TCF25: variants seen among roughly 807,000 people sequenced by gnomAD.
The protein encoded by TCF25 is ribosome quality control complex subunit TCF25.
TCF25 carries 41 observed loss-of-function variants against 83.1 expected under a neutral mutation model. The ratio of observed to expected loss-of-function variants is 0.49; its 90% CI spans 0.38 to 0.64. TCF25 has a LOEUF of 0.64. Ranked by LOEUF, TCF25 falls within the 30% of genes least tolerant of loss-of-function variation. The pLI is 0.00. For missense variants in TCF25, 979 were observed against 914.5 expected, an observed-to-expected ratio of 1.07 and a Z score of -0.91; for synonymous variants, 458 against 365.0, an observed-to-expected ratio of 1.25 and a Z score of -2.90.
chr16:89,910,295 T>C (rs991997643), intron 16 of TCF25: 5 of 495,172 alleles, frequency 1.0e-5, no homozygotes, highest in Non-Finnish European at 1.8e-5. Context: ...GCAAGGCACC[T>C]GTGCAGTGGC....
chr16:89,879,347 G>A (rs1452033386), intron 1 of TCF25, among the ~76,000 whole-genome samples: 1 of 145,064 alleles, frequency 6.9e-6, no homozygotes, highest in Non-Finnish European at 1.5e-5. Context: ...ACGGGCTCCT[G>A]GGCCTGTCAC....
At chr16:89,895,571 G>A (rs1219269187) in intron 8 of TCF25, among the ~76,000 whole-genome samples, 3 of 152,202 alleles carry the variant, frequency 2.0e-5, no homozygotes, top group African/African-American at 4.8e-5. Flanking sequence ...TCAGAACGTC[G>A]TTCGTTTTTA....
chr16:89,877,318 C>G (rs2042276172), intron 1 of TCF25, among the ~76,000 whole-genome samples: 1 of 152,038 alleles, frequency 6.6e-6, no homozygotes. Context: ...ATCCTCCCAC[C>G]TCAGCCTCCC....
At position 89,911,188 on chromosome 16, in the gene TCF25, C is replaced by T; in HGVS notation, c.1981C>T (p.Leu661=). ...GATGGCCAACTTCCACCTCAACGACCTGGAGGCGCCGCACGAGGACGACGC... is the reference window on the plus strand; with the variant it reads ...GATGGCCAACTTCCACCTCAACGACTTGGAGGCGCCGCACGAGGACGACGC... The part of the protein sequence containing the change: ...DMMANFHLND[L]EAPHEDDAEG... Residue 661 remains leucine (L), a synonymous_variant, in exon 18 of 18, where the codon CTG becomes TTG. Coordinates refer to ENST00000263346, the MANE Select transcript of TCF25 (RefSeq NM_014972.3). 1 of 1,612,510 alleles carries T rather than the reference C, an allele frequency of 6.2e-7. No individual in the cohort carries two copies. The highest frequency in any genetic ancestry group is 1.1e-5 in the South Asian group (1 of 91,078).
At chr16:89,900,584 T>G in intron 11 of TCF25, 51 bp from the exon 12 acceptor site, 1 of 1,518,472 alleles carries the variant, frequency 6.6e-7, no homozygotes, top group African/African-American at 1.4e-5. Context: ...AACTCACATA[T>G]TTTGTCTTTA....
chr16:89,903,625 G>T (rs535703749), intron 12 of TCF25, among the ~76,000 whole-genome samples: 1 of 152,200 alleles, frequency 6.6e-6, no homozygotes, highest in Non-Finnish European at 1.5e-5. Flanking sequence ...GGCCAGCATG[G>T]TGAAACCCTG....
chr16:89,878,619 A>T (rs574157467), intron 1 of TCF25: 1 of 1,137,988 alleles, frequency 8.8e-7, no homozygotes, highest in African/African-American at 1.7e-5. Flanking sequence ...TGAAAATCAC[A>T]GCTTTTGGGT....
At chr16:89,875,431 C>G (rs528477678) in intron 1 of TCF25, among the ~76,000 whole-genome samples, 8 of 150,824 alleles carry the variant, frequency 5.3e-5, no homozygotes, top group African/African-American at 2.0e-4. Flanking sequence ...TTTCTGCGTG[C>G]TGAAAGATAC....
At chr16:89,908,900 C>A in intron 16 of TCF25, 1 of 1,281,560 alleles carries the variant, frequency 7.8e-7, no homozygotes, top group Non-Finnish European at 1.0e-6. Context: ...CAGGGACTGG[C>A]TGCCTCTTTC....
intron 14 of TCF25, among the ~76,000 whole-genome samples, chr16:89,905,411 T>C (rs1342053592): frequency 6.6e-6 from 1 of 152,142 alleles, no homozygotes; most frequent in Admixed American, 6.5e-5. Flanking sequence ...CACAGCAGCA[T>C]CTTGGGAGTA....
Position 89,904,934 on chromosome 16 carries a change from C to G in TCF25, c.1470-4C>G, listed in dbSNP as rs1434668745. On this transcript the variant is annotated splice_polypyrimidine_tract_variant and splice_region_variant and intron_variant, in intron 13 of 17. Coordinates refer to ENST00000263346, the MANE Select transcript of TCF25 (RefSeq NM_014972.3). ...TTCTGCTCAGAGCCCTTGCTCTCCCCCAGCCAGCCCCCTGCCCTGAGCCAG... is the reference window on the plus strand; with the variant it reads ...TTCTGCTCAGAGCCCTTGCTCTCCCGCAGCCAGCCCCCTGCCCTGAGCCAG... The G allele has an allele frequency of 6.2e-7, 1 of 1,602,986 alleles. No homozygotes were observed. Among genetic ancestry groups the G allele is most frequent in the African/African-American group, 1.3e-5 (1 of 74,764 alleles).
At chr16:89,899,554 C>T (rs2044152883) in intron 11 of TCF25, among the ~76,000 whole-genome samples, 1 of 152,064 alleles carries the variant, frequency 6.6e-6, no homozygotes, top group Non-Finnish European at 1.5e-5. Context: ...CATGGAGAAA[C>T]CCTGTCTCTA....
At chr16:89,910,274 T>A in intron 16 of TCF25, 1 of 420,206 alleles carries the variant, frequency 2.4e-6, no homozygotes, top group Non-Finnish European at 4.4e-6. Flanking sequence ...AAACTGCAGC[T>A]TTTCTGAAAA....
intron 1 of TCF25, among the ~76,000 whole-genome samples, chr16:89,876,109 C>A (rs149230072): frequency 9.5e-4 from 144 of 152,194 alleles, no homozygotes; most frequent in Middle Eastern, 3.4e-3. Flanking sequence ...AGAAACCACA[C>A]AAACCCTTGT....
intron 15 of TCF25, 99 bp downstream of exon 15, chr16:89,906,383 C>T: frequency 8.2e-7 from 1 of 1,218,030 alleles, no homozygotes; most frequent in South Asian, 1.3e-5. Flanking sequence ...GTGGTGCGGG[C>T]TCCCTCAGCA....
chr16:89,903,917 C>T (rs924589545), intron 12 of TCF25, among the ~76,000 whole-genome samples: 3 of 152,138 alleles, frequency 2.0e-5, no homozygotes, highest in Non-Finnish European at 1.5e-5. Context: ...GTGAAGGAGA[C>T]CCCCAGCCTC....
In TCF25 at chr16:89,900,788, CCTGGAGGTGAGTGAGCG is replaced by C; in HGVS notation, c.1379_1381+14del. On this transcript the variant is annotated splice_donor_variant and splice_donor_5th_base_variant and coding_sequence_variant and intron_variant, in exon 12 of 18. Transcript: ENST00000263346. LOFTEE classifies it high-confidence loss of function. ...GATACAGCAGGCGCTCACCATGTTC[CCTGGAGGTGAGTGAGCG>C]CTGTGTCTCGCCTGGGGTAGGGGTG... The C allele has an allele frequency of 6.4e-7, 1 of 1,573,614 alleles. No homozygotes were observed. The highest frequency in any genetic ancestry group is 8.7e-7 in the Non-Finnish European group (1 of 1,147,184).
At chr16:89,892,556 A>G (rs1180210365) in intron 6 of TCF25, among the ~76,000 whole-genome samples, 1 of 152,162 alleles carries the variant, frequency 6.6e-6, no homozygotes, top group East Asian at 1.9e-4. Flanking sequence ...GTACCTCAAC[A>G]CGGAGCCTCC....
At chr16:89,883,027 C>T (rs1185979106) in intron 1 of TCF25, among the ~76,000 whole-genome samples, 3 of 152,166 alleles carry the variant, frequency 2.0e-5, no homozygotes, top group South Asian at 2.1e-4. Context: ...ATATATTTAA[C>T]GTTTTGTCCT....
Sources: allele counts gnomAD v4.1 joint callset (sites outside exome capture counted in the v4.1 genomes callset), GRCh38; gene constraint gnomAD v4.1.1; transcripts MANE v1.5; gene names NCBI Gene and HGNC (gene_info 2026-07-23, HGNC 2026-07-21).